The following PRMT3 variants were observed in gnomAD, a reference collection of about 807,000 sequenced individuals.
PRMT3 encodes the protein protein arginine methyltransferase 3, also known as protein arginine N-methyltransferase 3.
In PRMT3, 62 loss-of-function variants were observed where a neutral mutation model predicts 71.9. The observed-to-expected ratio is 0.86, with a 90% CI of 0.70 to 1.07. PRMT3 has a LOEUF of 1.07. Among genes scored for constraint, PRMT3 ranks in the 50% least tolerant of loss-of-function variants. PRMT3 has a pLI of 0.00. For synonymous variants in PRMT3, 213 were observed against 220.4 expected (o/e 0.97, Z 0.30); for missense variants, 663 against 643.0 (o/e 1.03, Z -0.34).
rs767615798 is a variant in PRMT3, at chr11:20,508,367, T to C, written c.1550T>C (p.Val517Ala). The C allele has an allele frequency of 1.9e-6, 3 of 1,611,628 alleles. No homozygotes were observed. The East Asian group carries it at 6.7e-5, about 36-fold the overall frequency. The change falls in exon 16 of 16, where the codon GTG (valine) becomes GCG (alanine). Residue 517 changes from valine (V) to alanine (A), a missense_variant. By Grantham distance (64) the Val-to-Ala change is moderately conservative (BLOSUM62 0). Coordinates refer to ENST00000331079, the MANE Select transcript of PRMT3 (RefSeq NM_005788.4). The stretch of plus-strand genomic sequence containing the variant: ...AAGAAAGATCCACGTTCTCTCACCG[T>C]GACCCTCACGTTGAATAATTCAACT... Reference protein sequence around the residue: ...KNKKDPRSLTVTLTLNNSTQT... With the variant: ...KNKKDPRSLTATLTLNNSTQT...
intron 7 of PRMT3, among the ~76,000 whole-genome samples, chr11:20,398,012 T>TAAAAAAAA (rs11424785): frequency 8.2e-6 from 1 of 121,716 alleles, no homozygotes. Context: ...TGTCTCTATT[T>TAAAAAAAA]AAAAAAAAAA....
chr11:20,446,307 G>A (rs77228743), intron 10 of PRMT3, among the ~76,000 whole-genome samples: 4,539 of 151,520 alleles, frequency 0.03, 227 homozygotes, highest in African/African-American at 0.1. Flanking sequence ...GTCTTATGAA[G>A]TAATTGTATA....
At chr11:20,456,726 A>T (rs1419805097) in intron 11 of PRMT3, among the ~76,000 whole-genome samples, 1 of 151,792 alleles carries the variant, frequency 6.6e-6, no homozygotes, top group East Asian at 1.9e-4. Context: ...TTTCTGCTTT[A>T]AAAAAAAGAC....
At chr11:20,449,297 A>G (rs1042987031) in intron 10 of PRMT3, among the ~76,000 whole-genome samples, 2 of 152,146 alleles carry the variant, frequency 1.3e-5, no homozygotes, top group African/African-American at 4.8e-5. Context: ...GCCAACTGAG[A>G]TATTACTCTG....
At chr11:20,408,466 A>G (rs942206050) in intron 9 of PRMT3, among the ~76,000 whole-genome samples, 2 of 152,178 alleles carry the variant, frequency 1.3e-5, no homozygotes, top group South Asian at 2.1e-4. Flanking sequence ...ACACTAGTCC[A>G]TGTACCTCCT....
At position 20,495,357 on chromosome 11, in the gene PRMT3, A is replaced by G. The variant is rs567234882; in HGVS notation, c.1486+1103A>G. The stretch of plus-strand genomic sequence containing the variant: ...AGCCCAAGCAACATAGCAAGACCCT[A>G]TCTCTACAAAACAATAAAAATTATC... On this transcript the variant is annotated intron_variant, in intron 15 of 15. Transcript: ENST00000331079. Among the ~76,000 whole-genome samples the G allele has an allele frequency of 4.9e-4, 75 of 152,062 alleles. 1 individual carries two copies. The highest frequency in any genetic ancestry group is 1.9e-3 in the South Asian group (9 of 4,822).
chr11:20,487,756 G>A (rs1341726471), intron 13 of PRMT3, among the ~76,000 whole-genome samples: 3 of 152,216 alleles, frequency 2.0e-5, no homozygotes. Flanking sequence ...AGGAAGAAAT[G>A]TGAGGTATCA....
chr11:20,403,851 C>T (rs1169521231), intron 8 of PRMT3, among the ~76,000 whole-genome samples: 1 of 152,048 alleles, frequency 6.6e-6, no homozygotes, highest in African/African-American at 2.4e-5. Flanking sequence ...TCTAAGGTTA[C>T]TTCATGGGGT....
chr11:20,398,619 A>AT (rs1848883947), intron 7 of PRMT3, among the ~76,000 whole-genome samples: 1 of 152,046 alleles, frequency 6.6e-6, no homozygotes, highest in Non-Finnish European at 1.5e-5. Context: ...CGCCTGGCTA[A>AT]TTTTTTGTAT....
intron 9 of PRMT3, among the ~76,000 whole-genome samples, chr11:20,421,561 A>T (rs1232691945): frequency 6.6e-6 from 1 of 152,170 alleles, no homozygotes; most frequent in Non-Finnish European, 1.5e-5. Context: ...GCAATCACTT[A>T]TGCAAAGAAT....
chr11:20,400,777 A>G (rs962220579), intron 7 of PRMT3, among the ~76,000 whole-genome samples: 10 of 151,956 alleles, frequency 6.6e-5, no homozygotes, highest in African/African-American at 2.4e-4. Context: ...GTCTTAAAAT[A>G]TTATCTTGCT....
intron 9 of PRMT3, among the ~76,000 whole-genome samples, chr11:20,422,281 A>G (rs1241800505): frequency 6.6e-6 from 1 of 152,068 alleles, no homozygotes; most frequent in African/African-American, 2.4e-5. Flanking sequence ...TCTCTGTAAA[A>G]CAGTTTCTTT....
At position 20,464,482 on chromosome 11, in the gene PRMT3, C is replaced by G. The variant is rs776793226; in HGVS notation, c.1283C>G (p.Ser428Cys). The change falls in exon 13 of 16, where the codon TCT becomes TGT. Residue 428 changes from serine to cysteine, a missense_variant. Coordinates refer to ENST00000331079, the MANE Select transcript of PRMT3 (RefSeq NM_005788.4). ...GIKHIDCHTT[S>C]ISDLEFSSDF... ...TAGCATATAGATTGCCATACGACGT[C>G]TATCTCAGATTTGGAATTTTCATCA... 1.2e-6 allele frequency: 2 copies of G among 1,610,820 alleles called. No individual in the cohort carries two copies. The highest frequency in any genetic ancestry group is 1.7e-6 in the Non-Finnish European group (2 of 1,178,688).
intron 10 of PRMT3, among the ~76,000 whole-genome samples, chr11:20,449,499 T>C (rs1850102517): frequency 6.6e-6 from 1 of 152,128 alleles, no homozygotes; most frequent in Non-Finnish European, 1.5e-5. Context: ...GAGATCAAGG[T>C]TCGAATTCTG....
At chr11:20,507,357 T>C (rs1851614881) in intron 15 of PRMT3, among the ~76,000 whole-genome samples, 1 of 152,230 alleles carries the variant, frequency 6.6e-6, no homozygotes, top group Non-Finnish European at 1.5e-5. Flanking sequence ...GAACCCACCA[T>C]AGGGCCTCAT....
chr11:20,402,764 T>C (rs1333654209), intron 7 of PRMT3, among the ~76,000 whole-genome samples, 155 bp from the exon 8 acceptor site: 2 of 152,236 alleles, frequency 1.3e-5, no homozygotes, highest in African/African-American at 2.4e-5. Flanking sequence ...TTCTATTCTT[T>C]ATTGTTTTCT....
At chr11:20,471,881 C>T (rs1249190416) in intron 13 of PRMT3, among the ~76,000 whole-genome samples, 1 of 152,116 alleles carries the variant, frequency 6.6e-6, no homozygotes, top group East Asian at 1.9e-4. Flanking sequence ...TTTCTTTGAG[C>T]AGTGGTTTGC....
At chr11:20,428,888 C>A (rs1285605605) in intron 10 of PRMT3, among the ~76,000 whole-genome samples, 1 of 152,158 alleles carries the variant, frequency 6.6e-6, no homozygotes, top group African/African-American at 2.4e-5. Flanking sequence ...CACTTCCCAC[C>A]GAACAGGCAT....
chr11:20,440,331 G>C (rs1849857081), intron 10 of PRMT3, among the ~76,000 whole-genome samples: 1 of 152,020 alleles, frequency 6.6e-6, no homozygotes, highest in African/African-American at 2.4e-5. Flanking sequence ...CTCCAGCCTG[G>C]GCAACAGAGC....
Sources: allele counts gnomAD v4.1 joint callset (sites outside exome capture counted in the v4.1 genomes callset), GRCh38; gene constraint gnomAD v4.1.1; transcripts MANE v1.5; gene names NCBI Gene and HGNC (gene_info 2026-07-23, HGNC 2026-07-21).